ANKS1B: variants seen among roughly 807,000 people sequenced by gnomAD.
ANKS1B encodes the protein ankyrin repeat and sterile alpha motif domain containing 1B.
Under a neutral mutation model 148.3 loss-of-function variants are expected in ANKS1B, and 36 were observed. The observed-to-expected ratio is 0.24, with a 90% CI of 0.19 to 0.32. The LOEUF (loss-of-function observed/expected upper bound fraction) is 0.32. Ranked by LOEUF, ANKS1B falls within the 10% of genes least tolerant of loss-of-function variation. The probability of loss-of-function intolerance (pLI) is 1.00; values close to 1 mark genes in which losing one functional copy is unlikely to be tolerated. For missense variants in ANKS1B, 1,157 were observed against 1,542.6 expected, an observed-to-expected ratio of 0.75 and a Z score of 4.19; for synonymous variants, 542 against 560.8, an observed-to-expected ratio of 0.97 and a Z score of 0.47.
intron 17 of ANKS1B, among the ~76,000 whole-genome samples, chr12:98,833,071 T>C (rs1335680371): frequency 6.6e-6 from 1 of 152,142 alleles, no homozygotes; most frequent in Non-Finnish European, 1.5e-5. Flanking sequence ...AATCTGACCA[T>C]GCTGCAAAGG....
At chr12:99,219,071 G>C (rs746233282) in intron 14 of ANKS1B, among the ~76,000 whole-genome samples, 25 of 152,164 alleles carry the variant, frequency 1.6e-4, no homozygotes, top group Non-Finnish European at 3.1e-4. Context: ...CTTCAGAGAA[G>C]AGGGTGAATT....
intron 9 of ANKS1B, among the ~76,000 whole-genome samples, chr12:99,551,885 G>T (rs944976422): frequency 7.9e-5 from 12 of 152,054 alleles, no homozygotes; most frequent in Admixed American, 4.6e-4. Context: ...AATGTAGGTT[G>T]CAAGATTGTT....
chr12:99,718,127 T>TCTC (rs1356838885), intron 8 of ANKS1B, among the ~76,000 whole-genome samples: 27 of 151,628 alleles, frequency 1.8e-4, no homozygotes, highest in East Asian at 7.8e-4. Flanking sequence ...ATGGTCTCGA[T>TCTC]CTGACCTCGT....
chr12:99,615,669 A>G (rs1481998369), intron 9 of ANKS1B, among the ~76,000 whole-genome samples: 1 of 152,158 alleles, frequency 6.6e-6, no homozygotes, highest in Non-Finnish European at 1.5e-5. Context: ...ATTTATGACA[A>G]ACCCATAGCC....
At chr12:99,562,101 G>T (rs2097342652) in intron 9 of ANKS1B, among the ~76,000 whole-genome samples, 1 of 152,200 alleles carries the variant, frequency 6.6e-6, no homozygotes, top group African/African-American at 2.4e-5. Flanking sequence ...GGGTGACTAA[G>T]TGCATTGTCA....
chr12:99,307,011 A>G (rs2082440671), intron 12 of ANKS1B, among the ~76,000 whole-genome samples: 1 of 152,094 alleles, frequency 6.6e-6, no homozygotes, highest in Admixed American at 6.6e-5. Flanking sequence ...AGTACAATGT[A>G]ATGGTCCTTG....
At chr12:99,525,397 T>G (rs1282913519) in intron 9 of ANKS1B, among the ~76,000 whole-genome samples, 2 of 152,178 alleles carry the variant, frequency 1.3e-5, no homozygotes, top group Non-Finnish European at 2.9e-5. Flanking sequence ...GAAAAATAAA[T>G]GTGTGACAAT....
At chr12:98,783,207 A>T (rs913892357) in intron 22 of ANKS1B, among the ~76,000 whole-genome samples, 1 of 152,240 alleles carries the variant, frequency 6.6e-6, no homozygotes, top group African/African-American at 2.4e-5. Flanking sequence ...TCGAGTTGTT[A>T]CTTTAGGCAA....
chr12:98,874,101 T>C (rs757469487), intron 17 of ANKS1B, among the ~76,000 whole-genome samples: 24 of 152,136 alleles, frequency 1.6e-4, no homozygotes, highest in Non-Finnish European at 1.6e-4. Flanking sequence ...AGCTGGCTAA[T>C]CTAAAACATA....
At chr12:98,815,319 C>CTGAAACTGAAACAA (rs1555358598) in intron 19 of ANKS1B, among the ~76,000 whole-genome samples, 1 of 152,214 alleles carries the variant, frequency 6.6e-6, no homozygotes, top group Non-Finnish European at 1.5e-5. Context: ...GCCCACTCTA[C>CTGAAACTGAAACAA]TGAAACTGAA....
At chr12:99,532,321 C>T (rs1316857975) in intron 9 of ANKS1B, among the ~76,000 whole-genome samples, 1 of 152,094 alleles carries the variant, frequency 6.6e-6, no homozygotes, top group Admixed American at 6.6e-5. Flanking sequence ...TTTATGGTTT[C>T]AGGTCTTACA....
rs974750912 is a variant in ANKS1B, at chr12:99,797,548, T to TA, written c.669+8855dup. ...CTCCATTTTATTTAAATTAATCATTTAAAAAAAACAAAATTTCCAAAATCG... is the reference window on the plus strand; with the variant it reads ...CTCCATTTTATTTAAATTAATCATTTAAAAAAAAACAAAATTTCCAAAATCG... On this transcript the variant is annotated intron_variant, in intron 4 of 26. Coordinates refer to ENST00000683438, the MANE Select transcript of ANKS1B (RefSeq NM_001352186.2). Among the ~76,000 whole-genome samples the TA allele has an allele frequency of 3.3e-5, 5 of 150,842 alleles. No individual in the cohort carries two copies. In the South Asian group the frequency reaches 8.3e-4, roughly 25 times the overall value.
At chr12:99,770,472 G>GA (rs1007177625) in intron 8 of ANKS1B, among the ~76,000 whole-genome samples, 34 of 151,560 alleles carry the variant, frequency 2.2e-4, no homozygotes, top group South Asian at 1.7e-3. Flanking sequence ...CAATATTCTG[G>GA]AAAAAAAACT....
At chr12:99,072,122 A>G (rs760094455) in intron 16 of ANKS1B, among the ~76,000 whole-genome samples, 1 of 152,174 alleles carries the variant, frequency 6.6e-6, no homozygotes, top group South Asian at 2.1e-4. Flanking sequence ...CTGCACTGTG[A>G]GAAACCCACT....
At chr12:99,173,002 C>G (rs146319782) in intron 14 of ANKS1B, among the ~76,000 whole-genome samples, 8 of 151,996 alleles carry the variant, frequency 5.3e-5, no homozygotes, top group Admixed American at 5.2e-4. Flanking sequence ...CAAATAGTCA[C>G]CTCTCTGAAT....
chr12:99,719,848 T>C (rs1009124474), intron 8 of ANKS1B, among the ~76,000 whole-genome samples: 3 of 152,202 alleles, frequency 2.0e-5, no homozygotes, highest in African/African-American at 7.2e-5. Flanking sequence ...ACAATGCTCA[T>C]ACTGATAAGA....
chr12:99,078,059 G>C (rs967423978), intron 16 of ANKS1B, among the ~76,000 whole-genome samples: 1 of 152,162 alleles, frequency 6.6e-6, no homozygotes, highest in Non-Finnish European at 1.5e-5. Context: ...TCTCCAGTGT[G>C]CCACAGTTTC....
At chr12:98,844,099 C>T (rs940323239) in intron 17 of ANKS1B, among the ~76,000 whole-genome samples, 10 of 152,038 alleles carry the variant, frequency 6.6e-5, no homozygotes, top group African/African-American at 2.2e-4. Context: ...CTCAGGAGGG[C>T]ATAGTGATTA....
intron 4 of ANKS1B, among the ~76,000 whole-genome samples, chr12:99,789,897 T>C (rs998442645): frequency 1.3e-5 from 2 of 152,106 alleles, no homozygotes; most frequent in African/African-American, 2.4e-5. Context: ...ATCTAAAAGT[T>C]ACTGGCCTTA....
Sources: gnomAD v4.1 joint callset for allele counts (sites outside exome capture counted in the v4.1 genomes callset) on GRCh38, gnomAD v4.1.1 for gene constraint, MANE v1.5 for transcripts, NCBI Gene and HGNC (gene_info 2026-07-23, HGNC 2026-07-21) for gene names.